ZFAND3: variants seen among roughly 807,000 people sequenced by gnomAD.
ZFAND3 encodes AN1-type zinc finger protein 3.
In ZFAND3, 10 loss-of-function variants were observed where a neutral mutation model predicts 29.6. The ratio of observed to expected loss-of-function variants is 0.34; its 90% CI spans 0.21 to 0.57. The LOEUF is 0.57. ZFAND3 is among the 20% of genes least tolerant of loss of function. The pLI is 0.86. For synonymous variants in ZFAND3, 128 were observed against 112.6 expected (o/e 1.14, Z -0.87); for missense variants, 230 against 304.5 (o/e 0.76, Z 1.82).
At chr6:38,119,312 C>A (rs996754647) in intron 5 of ZFAND3, among the ~76,000 whole-genome samples, 2 of 152,108 alleles carry the variant, frequency 1.3e-5, no homozygotes, top group Non-Finnish European at 2.9e-5. Context: ...TGTTTAACTG[C>A]CCTGAAAGGT....
At chr6:37,891,635 TAAAC>T (rs1481797757) in intron 1 of ZFAND3, among the ~76,000 whole-genome samples, 20 of 152,068 alleles carry the variant, frequency 1.3e-4, no homozygotes, top group African/African-American at 3.9e-4. Context: ...AGACAGAAGA[TAAAC>T]AAGGAAATAG....
At chr6:37,962,631 C>T (rs1227593590) in intron 2 of ZFAND3, among the ~76,000 whole-genome samples, 1 of 151,880 alleles carries the variant, frequency 6.6e-6, no homozygotes, top group African/African-American at 2.4e-5. Context: ...AAAAACGCAC[C>T]AATCAGCGCT....
In ZFAND3 at chr6:38,153,967, C is replaced by A. The variant is rs191923274; in HGVS notation, c.*1578C>A. Reference sequence around the variant, plus strand: ...ATTAACAGCTGAACACCTGCAACTGCAAATGTTTTTTGATCCGACGTACTG... The same window carrying A: ...ATTAACAGCTGAACACCTGCAACTGAAAATGTTTTTTGATCCGACGTACTG... On this transcript the variant is annotated 3_prime_UTR_variant, in exon 6 of 6. Transcript: ENST00000287218. 138 of 985,496 alleles carry A rather than the reference C, an allele frequency of 1.4e-4. No homozygotes were observed. Among genetic ancestry groups the A allele is most frequent in the Middle Eastern group, 1.0e-3 (2 of 1,914 alleles). 61.0% of individuals were successfully genotyped at this position (985,496 alleles called of 1,614,324 possible).
chr6:38,058,943 C>T (rs1202745490), intron 2 of ZFAND3, among the ~76,000 whole-genome samples: 6 of 152,088 alleles, frequency 3.9e-5, no homozygotes. Context: ...GAGAATATGT[C>T]AAAAGGTAAT....
chr6:37,822,689 A>G (rs1763688698), intron 1 of ZFAND3, among the ~76,000 whole-genome samples: 1 of 152,170 alleles, frequency 6.6e-6, no homozygotes, highest in Non-Finnish European at 1.5e-5. Context: ...GGTAGAGGAA[A>G]GTAGCCTGGA....
intron 4 of ZFAND3, among the ~76,000 whole-genome samples, chr6:38,109,178 CTTT>C (rs1210795483): frequency 1.5e-5 from 2 of 130,708 alleles, no homozygotes; most frequent in African/African-American, 5.7e-5. Flanking sequence ...GCTGCCATGA[CTTT>C]TTTTTTTTTT....
chr6:37,928,647 A>G (rs1761535582), intron 1 of ZFAND3, among the ~76,000 whole-genome samples: 1 of 151,984 alleles, frequency 6.6e-6, no homozygotes, highest in Admixed American at 6.6e-5. Flanking sequence ...CAGCCTCCCA[A>G]GTAGCTACAG....
chr6:38,015,867 T>G (rs1270051295), intron 2 of ZFAND3, among the ~76,000 whole-genome samples: 2 of 152,350 alleles, frequency 1.3e-5, no homozygotes, highest in East Asian at 3.8e-4. Flanking sequence ...ACCTGTGGTG[T>G]TTTCTTTCTT....
chr6:37,921,382 A>T (rs1367435294), intron 1 of ZFAND3, among the ~76,000 whole-genome samples: 3 of 150,340 alleles, frequency 2.0e-5, no homozygotes, highest in Non-Finnish European at 4.4e-5. Context: ...GTTTTTTTTT[A>T]TACTTTTCTC....
intron 1 of ZFAND3, among the ~76,000 whole-genome samples, chr6:37,868,971 C>T (rs573670658): frequency 1.3e-5 from 2 of 152,202 alleles, no homozygotes; most frequent in Non-Finnish European, 2.9e-5. Flanking sequence ...TGTGAATATT[C>T]GCATTTGATA....
chr6:38,085,202 T>A (rs1361062917), intron 4 of ZFAND3, among the ~76,000 whole-genome samples: 1 of 152,238 alleles, frequency 6.6e-6, no homozygotes, highest in Non-Finnish European at 1.5e-5. Context: ...TGACATGTGC[T>A]GTACAGTGCT....
chr6:37,822,970 T>C (rs903352594), intron 1 of ZFAND3, among the ~76,000 whole-genome samples: 5 of 152,144 alleles, frequency 3.3e-5, no homozygotes, highest in Non-Finnish European at 7.3e-5. Context: ...TCCAGGGCCC[T>C]CATAGCATTG....
At chr6:38,083,572 T>G (rs1395314390) in intron 4 of ZFAND3, among the ~76,000 whole-genome samples, 1 of 152,160 alleles carries the variant, frequency 6.6e-6, no homozygotes, top group Non-Finnish European at 1.5e-5. Flanking sequence ...AGCCAGAAGC[T>G]TGAAAACATT....
intron 2 of ZFAND3, among the ~76,000 whole-genome samples, chr6:37,941,579 C>A (rs1166806388): frequency 6.6e-6 from 1 of 152,138 alleles, no homozygotes; most frequent in Non-Finnish European, 1.5e-5. Flanking sequence ...GCTCATTAAC[C>A]TTGCTCTCTG....
At chr6:37,960,985 G>A (rs1762185022) in intron 2 of ZFAND3, among the ~76,000 whole-genome samples, 2 of 152,164 alleles carry the variant, frequency 1.3e-5, no homozygotes, top group African/African-American at 4.8e-5. Context: ...TGAGGTGAGG[G>A]TGTTGCTTGA....
intron 4 of ZFAND3, among the ~76,000 whole-genome samples, chr6:38,107,209 C>A (rs1468028462): frequency 6.6e-6 from 1 of 152,090 alleles, no homozygotes; most frequent in African/African-American, 2.4e-5. Flanking sequence ...ACAGAGAATG[C>A]CATCAGACTA....
At chr6:38,128,598 C>T (rs144221603) in intron 5 of ZFAND3, among the ~76,000 whole-genome samples, 1 of 152,168 alleles carries the variant, frequency 6.6e-6, no homozygotes, top group Non-Finnish European at 1.5e-5. Flanking sequence ...TTTTTCCATT[C>T]CTGAGTTACT....
intron 2 of ZFAND3, among the ~76,000 whole-genome samples, chr6:38,061,147 G>A (rs1293362997): frequency 6.6e-6 from 1 of 152,114 alleles, no homozygotes; most frequent in African/African-American, 2.4e-5. Context: ...AGTTCAGTCT[G>A]TTTACATTTA....
chr6:37,881,790 G>A (rs1390794088), intron 1 of ZFAND3, among the ~76,000 whole-genome samples: 2 of 152,048 alleles, frequency 1.3e-5, no homozygotes, highest in African/African-American at 4.8e-5. Flanking sequence ...GGACTTCAGG[G>A]ATAGGGGTAG....
Sources: gnomAD v4.1 joint callset for allele counts (sites outside exome capture counted in the v4.1 genomes callset) on GRCh38, gnomAD v4.1.1 for gene constraint, MANE v1.5 for transcripts, NCBI Gene and HGNC (gene_info 2026-07-23, HGNC 2026-07-21) for gene names.